Variants in RHOT1 observed in about 807,000 individuals in gnomAD.
The protein encoded by RHOT1 is ras homolog family member T1.
A neutral mutation model predicts 95.3 loss-of-function variants in RHOT1; 27 were observed. The ratio of observed to expected loss-of-function variants is 0.28; its 90% CI spans 0.21 to 0.39. RHOT1 has a LOEUF of 0.39. Among genes scored for constraint, RHOT1 ranks in the 10% least tolerant of loss-of-function variants. The pLI is 1.00. For missense variants in RHOT1, 578 were observed against 786.7 expected, an observed-to-expected ratio of 0.73 and a Z score of 3.17; for synonymous variants, 227 against 263.5, an observed-to-expected ratio of 0.86 and a Z score of 1.34.
intron 1 of RHOT1, among the ~76,000 whole-genome samples, chr17:32,149,635 A>ATATATATATATATATATTTG: frequency 1.7e-5 from 1 of 59,100 alleles, no homozygotes; most frequent in East Asian, 6.2e-4. Flanking sequence ...ATATATATAT[A>ATATATATATATATATATTTG]TGTGTGTGTG....
At position 32,178,213 on chromosome 17, in the gene RHOT1, C is replaced by A. The variant is rs534493181; in HGVS notation, c.329+2000C>A. Among the ~76,000 whole-genome samples, 581 of 144,652 alleles carry A rather than the reference C, an allele frequency of 4.0e-3. 14 individuals are homozygous for A. Among genetic ancestry groups the A allele is most frequent in the African/African-American group, 0.015 (560 of 37,034 alleles). 94.9% of individuals were successfully genotyped at this position (144,652 alleles called of 152,430 possible). ...AAATAATAAATGCCCTCCCCCCCCC[C>A]AGTGATCTCCCTCTCTTGCCGAGTC... is the stretch of plus-strand genomic sequence containing the variant. On this transcript the variant is annotated intron_variant, in intron 6 of 19. Transcript: ENST00000545287.
intron 1 of RHOT1, among the ~76,000 whole-genome samples, chr17:32,163,301 G>A (rs888715934): frequency 6.6e-6 from 1 of 152,072 alleles, no homozygotes; most frequent in Admixed American, 6.6e-5. Context: ...GGGAAATAGG[G>A]GAACAGTGAG....
chr17:32,154,476 A>G (rs1334046011), intron 1 of RHOT1, among the ~76,000 whole-genome samples: 1 of 150,590 alleles, frequency 6.6e-6, no homozygotes, highest in Admixed American at 6.7e-5. Context: ...AGTCCCAGCT[A>G]CTCGGGAGGC....
chr17:32,144,763 G>A (rs926935574), intron 1 of RHOT1, among the ~76,000 whole-genome samples: 13 of 150,414 alleles, frequency 8.6e-5, no homozygotes, highest in African/African-American at 3.2e-4. Flanking sequence ...GAGGCAGGAG[G>A]ATTGCTTGAA....
rs556014406 is a variant in RHOT1 at position 32,192,945 on chromosome 17, G to A, written c.640-191G>A. Among the ~76,000 whole-genome samples, 20 of 152,218 alleles carry A rather than the reference G, an allele frequency of 1.3e-4. No homozygotes were observed. In the East Asian group the frequency reaches 2.1e-3, roughly 16 times the overall value. Reference sequence around the variant, plus strand: ...CTCCCAAAGTGCTGGGATTACAGGCGTGAGCCACTGCACCCAGCCCATGTT... The same window carrying A: ...CTCCCAAAGTGCTGGGATTACAGGCATGAGCCACTGCACCCAGCCCATGTT... On this transcript the variant is annotated intron_variant, in intron 9 of 19. Coordinates refer to ENST00000545287, the MANE Select transcript of RHOT1 (RefSeq NM_001033566.3).
intron 1 of RHOT1, 88 bp downstream of exon 1, chr17:32,142,817 A>G (rs1419931213): frequency 6.2e-5 from 72 of 1,159,212 alleles, no homozygotes; most frequent in Non-Finnish European, 8.3e-5. Flanking sequence ...TGCAGCCCCA[A>G]CCTTTGCAGC....
chr17:32,143,582 A>G (rs906058742), intron 1 of RHOT1, among the ~76,000 whole-genome samples: 2 of 152,196 alleles, frequency 1.3e-5, no homozygotes, highest in Non-Finnish European at 2.9e-5. Context: ...ATCTCCCCCC[A>G]CCCAGAAATT....
intron 4 of RHOT1, 104 bp from the exon 5 acceptor site, chr17:32,175,858 A>G: frequency 1.4e-6 from 1 of 709,276 alleles, no homozygotes; most frequent in Non-Finnish European, 2.1e-6. Context: ...TAGCTGTTAA[A>G]TTTTTTCTTC....
Position 32,173,803 on chromosome 17 carries a change from T to A in RHOT1, c.97-28T>A, listed in dbSNP as rs760768943. Reference sequence around the variant, plus strand: ...AGTGATAATATTCAAAGGTGTTTTTTTTTTTCTATATTTGTTTGTAAATGA... The same window carrying A: ...AGTGATAATATTCAAAGGTGTTTTTATTTTTCTATATTTGTTTGTAAATGA... On this transcript the variant is annotated intron_variant, in intron 2 of 19. Transcript: ENST00000545287. The A allele has an allele frequency of 2.0e-6, 3 of 1,480,996 alleles. No individual in the cohort carries two copies. In the South Asian group the frequency reaches 3.6e-5, roughly 18 times the overall value. 91.7% of individuals were successfully genotyped at this position (1,480,996 alleles called of 1,614,324 possible).
chr17:32,193,878 A>G (rs2036677204), intron 10 of RHOT1, 109 bp from the exon 11 acceptor site: 15 of 1,343,068 alleles, frequency 1.1e-5, no homozygotes, highest in Admixed American at 2.3e-5. Flanking sequence ...GAGCTTTACA[A>G]TGCAAAGCTA....
intron 1 of RHOT1, among the ~76,000 whole-genome samples, chr17:32,157,967 T>A (rs1270673519): frequency 6.6e-6 from 1 of 152,184 alleles, no homozygotes. Flanking sequence ...CTTCCTGGGC[T>A]CAAGTGATCC....
At chr17:32,175,052 C>T (rs28621748) in intron 3 of RHOT1, among the ~76,000 whole-genome samples, 5,195 of 152,272 alleles carry the variant, frequency 0.034, 295 homozygotes, top group African/African-American at 0.12. Context: ...TTGCCTGACC[C>T]TTTTCAACTC....
intron 1 of RHOT1, 50 bp from the exon 2 acceptor site, chr17:32,170,993 C>CT: frequency 1.5e-6 from 2 of 1,359,974 alleles, no homozygotes; most frequent in South Asian, 1.3e-5. Context: ...CAAATTTGAG[C>CT]TTATGTAGAA....
intron 19 of RHOT1, among the ~76,000 whole-genome samples, chr17:32,216,971 G>A (rs940551878): frequency 1.3e-5 from 2 of 152,114 alleles, no homozygotes; most frequent in African/African-American, 4.8e-5. Flanking sequence ...TATATTTAAA[G>A]TTATACAAGA....
intron 19 of RHOT1, among the ~76,000 whole-genome samples, chr17:32,218,506 GA>G (rs371495186): frequency 4.1e-3 from 426 of 104,518 alleles, no homozygotes; most frequent in African/African-American, 8.5e-3. Context: ...GATCCTGTCT[GA>G]AAAAAAAAAA....
intron 16 of RHOT1, among the ~76,000 whole-genome samples, chr17:32,206,264 G>A (rs902160070): frequency 1.4e-5 from 2 of 139,578 alleles, no homozygotes; most frequent in Non-Finnish European, 3.0e-5. Context: ...GGAATGCAGC[G>A]GCGTGATCTC....
At chr17:32,183,427 A>G (rs973075260) in intron 8 of RHOT1, among the ~76,000 whole-genome samples, 155 bp downstream of exon 8, 4 of 152,198 alleles carry the variant, frequency 2.6e-5, no homozygotes, top group Non-Finnish European at 4.4e-5. Flanking sequence ...CTCTTCTTCA[A>G]TGACATTCAC....
At chr17:32,205,604 A>G (rs949473514) in intron 16 of RHOT1, among the ~76,000 whole-genome samples, 1 of 152,236 alleles carries the variant, frequency 6.6e-6, no homozygotes, top group Admixed American at 6.5e-5. Context: ...TAAAAAAAGT[A>G]CAAAAGAAGA....
chr17:32,220,178 A>C (rs544960020), intron 19 of RHOT1, among the ~76,000 whole-genome samples: 1 of 151,830 alleles, frequency 6.6e-6, no homozygotes, highest in African/African-American at 2.4e-5. Flanking sequence ...CCTGTGCAAC[A>C]TAGCAAGACC....
Sources: allele counts gnomAD v4.1 joint callset (sites outside exome capture counted in the v4.1 genomes callset), GRCh38; gene constraint gnomAD v4.1.1; transcripts MANE v1.5; gene names NCBI Gene and HGNC (gene_info 2026-07-23, HGNC 2026-07-21).